MAP4K3: variants seen among roughly 807,000 people sequenced by gnomAD.
MAP4K3 encodes the protein MAPK/ERK kinase kinase kinase 3.
Under a neutral mutation model 143.5 loss-of-function variants are expected in MAP4K3, and 94 were observed. The ratio of observed to expected loss-of-function variants is 0.65; its 90% CI spans 0.55 to 0.78. The LOEUF is 0.78. Ranked by LOEUF, MAP4K3 falls within the 30% of genes least tolerant of loss-of-function variation. MAP4K3 has a pLI of 0.00. For synonymous variants in MAP4K3, 416 were observed against 347.2 expected (o/e 1.20, Z -2.20); for missense variants, 1,077 against 1,068.1 (o/e 1.01, Z -0.12).
chr2:39,368,335 T>G (rs1202721609), intron 2 of MAP4K3, among the ~76,000 whole-genome samples: 1 of 152,146 alleles, frequency 6.6e-6, no homozygotes, highest in Non-Finnish European at 1.5e-5. Context: ...ATTTTCTGTT[T>G]TTATCATGCC....
rs145819279 is a variant in MAP4K3, at chr2:39,251,019, C to T, written c.2598-314G>A. ...CTAAAAACGATTTGCAGTTCAAGAA[C>T]CAGAAGCTAAATTGCCAGGGTCTGA... On this transcript the variant is annotated intron_variant, in intron 33 of 33. Transcript: ENST00000263881. Among the ~76,000 whole-genome samples the T allele has an allele frequency of 1.5e-3, 233 of 152,266 alleles. 2 individuals carry two copies. Among genetic ancestry groups the T allele is most frequent in the African/African-American group, 5.0e-3 (206 of 41,550 alleles).
chr2:39,371,701 G>A (rs368989916), intron 2 of MAP4K3, among the ~76,000 whole-genome samples: 6 of 151,846 alleles, frequency 4.0e-5, no homozygotes, highest in African/African-American at 9.7e-5. Context: ...GATATTCCAC[G>A]CCAATGGAAA....
chr2:39,287,870 C>G (rs1395711885), intron 20 of MAP4K3, among the ~76,000 whole-genome samples: 1 of 152,004 alleles, frequency 6.6e-6, no homozygotes, highest in Non-Finnish European at 1.5e-5. Flanking sequence ...AATGGGGAAC[C>G]AGTCTCTAGA....
At chr2:39,280,821 G>A (rs1023752659) in intron 22 of MAP4K3, among the ~76,000 whole-genome samples, 2 of 152,040 alleles carry the variant, frequency 1.3e-5, no homozygotes, top group Non-Finnish European at 2.9e-5. Flanking sequence ...TGGCTGATTT[G>A]AAATTCATAT....
chr2:39,436,224 G>A (rs1366107319), intron 1 of MAP4K3, among the ~76,000 whole-genome samples: 1 of 151,676 alleles, frequency 6.6e-6, no homozygotes, highest in African/African-American at 2.4e-5. Context: ...TGTCAAACCA[G>A]TACCTTCCCT....
chr2:39,406,658 A>G (rs1027415456), intron 1 of MAP4K3, among the ~76,000 whole-genome samples: 1 of 152,238 alleles, frequency 6.6e-6, no homozygotes, highest in Non-Finnish European at 1.5e-5. Flanking sequence ...GTAGAAATCA[A>G]GACTTTCCCA....
At chr2:39,286,667 A>G (rs528775139) in intron 21 of MAP4K3, among the ~76,000 whole-genome samples, 185 bp downstream of exon 21, 1 of 152,358 alleles carries the variant, frequency 6.6e-6, no homozygotes, top group South Asian at 2.1e-4. Flanking sequence ...CAAGTTTACC[A>G]TAGCTAAGTT....
intron 1 of MAP4K3, among the ~76,000 whole-genome samples, chr2:39,396,186 C>A (rs1356317279): frequency 1.3e-5 from 2 of 150,114 alleles, no homozygotes; most frequent in Non-Finnish European, 2.9e-5. Context: ...TACAGGCATG[C>A]ACCACCACAC....
Position 39,333,631 on chromosome 2 carries a change from C to T in MAP4K3, c.415-57G>A, listed in dbSNP as rs1683754291. 6 of 925,544 alleles carry T rather than the reference C, an allele frequency of 6.5e-6. No homozygotes were observed. In the South Asian group the frequency reaches 9.3e-5, roughly 14 times the overall value. The allele number at this position is 925,544 out of a possible 1,614,324, so 57.3% of individuals were successfully genotyped here. On this transcript the variant is annotated intron_variant, in intron 6 of 33. Transcript: ENST00000263881. ...GAAATAGATATTTTATCAGACAGCA[C>T]ATATATAATAAATATACATATTTAA...
intron 16 of MAP4K3, among the ~76,000 whole-genome samples, chr2:39,294,803 C>T (rs1431631228): frequency 6.6e-6 from 1 of 152,148 alleles, no homozygotes; most frequent in Admixed American, 6.5e-5. Context: ...TTTCCTTAAA[C>T]TAGCAGTTCT....
At chr2:39,285,569 A>C (rs1681735235) in intron 21 of MAP4K3, among the ~76,000 whole-genome samples, 1 of 152,208 alleles carries the variant, frequency 6.6e-6, no homozygotes, top group Non-Finnish European at 1.5e-5. Flanking sequence ...ACAATGAATA[A>C]CACCAAATAC....
intron 1 of MAP4K3, among the ~76,000 whole-genome samples, chr2:39,406,763 T>C (rs910035696): frequency 6.6e-6 from 1 of 151,958 alleles, no homozygotes; most frequent in South Asian, 2.1e-4. Flanking sequence ...AGGATGCTAA[T>C]CAGCAACAAG....
intron 26 of MAP4K3, 36 bp from the exon 27 acceptor site, chr2:39,267,283 A>T: frequency 6.7e-7 from 1 of 1,499,286 alleles, no homozygotes; most frequent in Admixed American, 1.7e-5. Flanking sequence ...TAATATATGT[A>T]GGCAAACTTA....
chr2:39,397,612 C>A (rs909258185), intron 1 of MAP4K3, among the ~76,000 whole-genome samples: 5 of 152,156 alleles, frequency 3.3e-5, no homozygotes, highest in African/African-American at 1.2e-4. Context: ...ACTAGAAAGG[C>A]TGATTCTAAA....
intron 1 of MAP4K3, among the ~76,000 whole-genome samples, chr2:39,403,170 C>T (rs1224726610): frequency 6.6e-6 from 1 of 152,096 alleles, no homozygotes; most frequent in Non-Finnish European, 1.5e-5. Flanking sequence ...GAATACTTCT[C>T]AAGATAGGGG....
chr2:39,308,120 G>T, intron 14 of MAP4K3, 115 bp from the exon 15 acceptor site: 1 of 610,640 alleles, frequency 1.6e-6, no homozygotes, highest in Non-Finnish European at 2.7e-6. Flanking sequence ...TTTTATTAAG[G>T]CAAATGGAGA....
At chr2:39,334,767 A>G (rs1396424323) in intron 6 of MAP4K3, among the ~76,000 whole-genome samples, 1 of 152,202 alleles carries the variant, frequency 6.6e-6, no homozygotes, top group South Asian at 2.1e-4. Flanking sequence ...CTCTGGGGTT[A>G]CAATAATGAG....
At chr2:39,311,124 C>A (rs969910685) in intron 13 of MAP4K3, among the ~76,000 whole-genome samples, 2 of 152,214 alleles carry the variant, frequency 1.3e-5, no homozygotes, top group Non-Finnish European at 2.9e-5. Context: ...GTTGCCCAGG[C>A]TGGAGTGTAA....
chr2:39,366,322 AT>A (rs1206514899), intron 2 of MAP4K3, among the ~76,000 whole-genome samples: 1 of 152,056 alleles, frequency 6.6e-6, no homozygotes, highest in Non-Finnish European at 1.5e-5. Context: ...GATTTTAAAA[AT>A]TTTCTGATTG....
Sources: allele counts gnomAD v4.1 joint callset (sites outside exome capture counted in the v4.1 genomes callset), GRCh38; gene constraint gnomAD v4.1.1; transcripts MANE v1.5; gene names NCBI Gene and HGNC (gene_info 2026-07-23, HGNC 2026-07-21).